Variants in SUCLG2 observed in about 807,000 individuals in gnomAD.
SUCLG2 encodes succinate-CoA ligase GDP-forming subunit beta.
A neutral mutation model predicts 47.9 loss-of-function variants in SUCLG2; 42 were observed. The observed-to-expected ratio is 0.88, with a 90% CI of 0.69 to 1.14. The LOEUF (loss-of-function observed/expected upper bound fraction) is 1.14, where lower values mean the gene tolerates loss of function less well. SUCLG2 is among the 50% of genes most tolerant of loss of function. The pLI is 0.00. For synonymous variants in SUCLG2, 195 were observed against 197.3 expected (o/e 0.99, Z 0.10); for missense variants, 571 against 525.9 (o/e 1.09, Z -0.84).
chr3:67,573,387 T>A (rs1002280006), intron 2 of SUCLG2, among the ~76,000 whole-genome samples: 1 of 152,128 alleles, frequency 6.6e-6, no homozygotes, highest in African/African-American at 2.4e-5. Flanking sequence ...ATTGAAAAAT[T>A]TTCACTTTCA....
intron 9 of SUCLG2, among the ~76,000 whole-genome samples, chr3:67,432,134 A>G (rs564290836): frequency 6.6e-6 from 1 of 152,344 alleles, no homozygotes; most frequent in South Asian, 2.1e-4. Flanking sequence ...ATGGGAGGCT[A>G]GATGGGAGGC....
At chr3:67,483,723 T>C (rs1424663925) in intron 9 of SUCLG2, among the ~76,000 whole-genome samples, 1 of 152,142 alleles carries the variant, frequency 6.6e-6, no homozygotes, top group East Asian at 1.9e-4. Context: ...TTTAATCCAG[T>C]TTAGTCATTC....
At chr3:67,488,387 A>C (rs889062080) in intron 9 of SUCLG2, among the ~76,000 whole-genome samples, 1 of 152,114 alleles carries the variant, frequency 6.6e-6, no homozygotes, top group Non-Finnish European at 1.5e-5. Flanking sequence ...AAGAGGAAAA[A>C]AAGGATTCAC....
chr3:67,561,152 T>C (rs1380908017), intron 2 of SUCLG2, among the ~76,000 whole-genome samples: 1 of 151,398 alleles, frequency 6.6e-6, no homozygotes, highest in Non-Finnish European at 1.5e-5. Context: ...AGTATTATAT[T>C]AGCTTTATCT....
rs79330767 is a variant in SUCLG2, at chr3:67,405,856, T to G, written c.1063-5005A>C. Among the ~76,000 whole-genome samples, 525 of 152,334 alleles carry G rather than the reference T, an allele frequency of 3.4e-3. 1 individual carries two copies. Among genetic ancestry groups the G allele is most frequent in the African/African-American group, 0.012 (500 of 41,580 alleles). ...AGCATTTAGCAGGTTGTACTCAGTA[T>G]TCTAATTATTGTATATGTACTAACG... On this transcript the variant is annotated intron_variant, in intron 9 of 10. Coordinates refer to ENST00000307227, the MANE Select transcript of SUCLG2 (RefSeq NM_003848.4).
intron 9 of SUCLG2, among the ~76,000 whole-genome samples, chr3:67,491,361 CTTTTTTT>C (rs549763218): frequency 7.9e-5 from 10 of 125,818 alleles, no homozygotes; most frequent in South Asian, 5.1e-4. Flanking sequence ...TTTTCTTTTA[CTTTTTTT>C]TTTTTTTTTT....
intron 6 of SUCLG2, among the ~76,000 whole-genome samples, chr3:67,511,235 T>C (rs889397149): frequency 1.3e-5 from 2 of 152,180 alleles, no homozygotes; most frequent in Non-Finnish European, 2.9e-5. Flanking sequence ...TCCTAAAAAG[T>C]GAAAATTATC....
At chr3:67,634,753 G>A (rs979292158) in intron 1 of SUCLG2, among the ~76,000 whole-genome samples, 11 of 152,144 alleles carry the variant, frequency 7.2e-5, no homozygotes, top group Admixed American at 5.2e-4. Flanking sequence ...ACAGGGCACA[G>A]TATCATGAAA....
At chr3:67,531,845 C>A (rs1706413261) in intron 2 of SUCLG2, among the ~76,000 whole-genome samples, 1 of 152,138 alleles carries the variant, frequency 6.6e-6, no homozygotes, top group Non-Finnish European at 1.5e-5. Context: ...ATTAAGATGA[C>A]AAATCCCACT....
chr3:67,578,872 A>C (rs923437581), intron 2 of SUCLG2, among the ~76,000 whole-genome samples: 4 of 152,192 alleles, frequency 2.6e-5, no homozygotes, highest in Admixed American at 6.5e-5. Context: ...CAGAGGAGAA[A>C]AAGGGTTCCC....
At chr3:67,461,137 A>C (rs2106957849) in intron 9 of SUCLG2, among the ~76,000 whole-genome samples, 1 of 152,306 alleles carries the variant, frequency 6.6e-6, no homozygotes, top group East Asian at 1.9e-4. Context: ...TCTTTTTATG[A>C]GTTTTTAAGA....
At chr3:67,400,985 T>C (rs553161012) in intron 9 of SUCLG2, 134 bp from the exon 10 acceptor site, 2 of 1,288,926 alleles carry the variant, frequency 1.6e-6, no homozygotes, top group African/African-American at 3.1e-5. Context: ...GAGCATAAAA[T>C]ACAAAAATGG....
chr3:67,552,288 T>C (rs550305167), intron 2 of SUCLG2, among the ~76,000 whole-genome samples: 84 of 152,084 alleles, frequency 5.5e-4, no homozygotes, highest in African/African-American at 2.0e-3. Context: ...CCATCACGTA[T>C]CTCACATGTA....
At chr3:67,552,037 G>C (rs1486816971) in intron 2 of SUCLG2, among the ~76,000 whole-genome samples, 1 of 152,114 alleles carries the variant, frequency 6.6e-6, no homozygotes, top group East Asian at 1.9e-4. Context: ...TGTGACAGTG[G>C]TCAGCAAGAA....
intron 2 of SUCLG2, among the ~76,000 whole-genome samples, chr3:67,545,154 C>G (rs1288819899): frequency 1.3e-5 from 2 of 152,106 alleles, no homozygotes; most frequent in African/African-American, 4.8e-5. Context: ...AAAGTATACG[C>G]TCCCCTCCTC....
At chr3:67,598,348 C>A (rs193145907) in intron 2 of SUCLG2, among the ~76,000 whole-genome samples, 129 of 152,272 alleles carry the variant, frequency 8.5e-4, no homozygotes, top group African/African-American at 3.0e-3. Flanking sequence ...AAAGAGTCAT[C>A]CTTAATCTTA....
At chr3:67,381,455 C>A (rs1381304300) in intron 10 of SUCLG2, among the ~76,000 whole-genome samples, 1 of 152,224 alleles carries the variant, frequency 6.6e-6, no homozygotes, top group Non-Finnish European at 1.5e-5. Flanking sequence ...GCTTTAAACT[C>A]TGACATGGAA....
intron 1 of SUCLG2, among the ~76,000 whole-genome samples, chr3:67,634,229 T>C (rs895061939): frequency 6.6e-6 from 1 of 152,130 alleles, no homozygotes; most frequent in African/African-American, 2.4e-5. Flanking sequence ...GGGAATTCTC[T>C]TTCCTTTGCT....
rs115207632 is a variant in SUCLG2 at position 67,638,398 on chromosome 3, T to C, written c.84+16105A>G. Among the ~76,000 whole-genome samples the C allele has an allele frequency of 4.3e-3, 654 of 152,260 alleles. 11 individuals are homozygous for C. The highest frequency in any genetic ancestry group is 0.015 in the African/African-American group (606 of 41,552). Reference sequence around the variant, plus strand: ...TGATATACATCAACACATTTCCAGATTGTAGCTACACTTGGCATTTCACCT... The same window carrying C: ...TGATATACATCAACACATTTCCAGACTGTAGCTACACTTGGCATTTCACCT... On this transcript the variant is annotated intron_variant, in intron 1 of 10. Transcript: ENST00000307227.
Sources: gnomAD v4.1 joint callset for allele counts (sites outside exome capture counted in the v4.1 genomes callset) on GRCh38, gnomAD v4.1.1 for gene constraint, MANE v1.5 for transcripts, NCBI Gene and HGNC (gene_info 2026-07-23, HGNC 2026-07-21) for gene names.